The following MEIOB variants were observed in gnomAD, a reference collection of about 807,000 sequenced individuals.
MEIOB encodes meiosis specific with OB-fold.
MEIOB carries 50 observed loss-of-function variants against 53.1 expected under a neutral mutation model. That is an observed-to-expected ratio of 0.94 (90% confidence interval 0.75 to 1.19). MEIOB has a LOEUF of 1.19. MEIOB is among the 50% of genes most tolerant of loss of function. The pLI is 0.00. For missense variants in MEIOB, 551 were observed against 550.8 expected, an observed-to-expected ratio of 1.00 and a Z score of 0.00; for synonymous variants, 192 against 182.5, an observed-to-expected ratio of 1.05 and a Z score of -0.42.
chr16:1,868,292 C>T (rs1899645106), intron 1 of MEIOB, 108 bp from the exon 2 acceptor site: 1 of 575,202 alleles, frequency 1.7e-6, no homozygotes, highest in Non-Finnish European at 3.1e-6. Flanking sequence ...CATGGTGGCT[C>T]ATACCTGTAA....
Position 1,843,418 on chromosome 16 carries a change from G to C in MEIOB, c.880+1444C>G, listed in dbSNP as rs144885751. 1.1e-3 allele frequency: 165 copies of C among 152,234 alleles called. 1 individual carries two copies. Among genetic ancestry groups the C allele is most frequent in the African/African-American group, 3.9e-3 (160 of 41,530 alleles). 9.4% of individuals were successfully genotyped at this position (152,234 alleles called of 1,614,324 possible). On this transcript the variant is annotated intron_variant, in intron 10 of 13. Coordinates refer to ENST00000325962, the MANE Select transcript of MEIOB (RefSeq NM_001163560.3). Reference sequence around the variant, plus strand: ...GAAAATACAAATTAAACAAGAGTAGGCCGGATGTGGTGGCTCATGCCTGTA... The same window carrying C: ...GAAAATACAAATTAAACAAGAGTAGCCCGGATGTGGTGGCTCATGCCTGTA...
intron 2 of MEIOB, among the ~76,000 whole-genome samples, chr16:1,866,596 C>G (rs1899598757): frequency 6.6e-6 from 1 of 152,026 alleles, no homozygotes. Context: ...GTGGTGGGTG[C>G]CTGTAATCCC....
At chr16:1,868,293 A>C (rs1304510514) in intron 1 of MEIOB, 109 bp from the exon 2 acceptor site, 1 of 566,640 alleles carries the variant, frequency 1.8e-6, no homozygotes, top group Non-Finnish European at 3.2e-6. Context: ...ATGGTGGCTC[A>C]TACCTGTAAT....
At chr16:1,861,497 A>G (rs1190788705) in intron 4 of MEIOB, among the ~76,000 whole-genome samples, 2 of 148,312 alleles carry the variant, frequency 1.3e-5, no homozygotes, top group Non-Finnish European at 3.0e-5. Context: ...TCACATTTGT[A>G]TGCTTCAAAT....
At chr16:1,842,212 A>T (rs1043933867) in intron 10 of MEIOB, among the ~76,000 whole-genome samples, 1 of 152,172 alleles carries the variant, frequency 6.6e-6, no homozygotes, top group African/African-American at 2.4e-5. Flanking sequence ...AAAAGACACC[A>T]TTAAAAAGTG....
At chr16:1,838,949 C>T (rs1286661859) in intron 12 of MEIOB, among the ~76,000 whole-genome samples, 1 of 152,216 alleles carries the variant, frequency 6.6e-6, no homozygotes, top group Admixed American at 6.5e-5. Flanking sequence ...TCCTTGGCCT[C>T]CCAAAGTGCT....
At position 1,841,955 on chromosome 16, in the gene MEIOB, A is replaced by T; in HGVS notation, c.899T>A (p.Val300Asp). 1 of 1,595,238 alleles carries T rather than the reference A, an allele frequency of 6.3e-7. No homozygotes were observed. Among genetic ancestry groups the T allele is most frequent in the Non-Finnish European group, 8.5e-7 (1 of 1,171,934 alleles). ...TCCCTTTAATTGTTCAACTGTGTAG[A>T]CATCAACTATTGTACTTACTAAAAA... ...ESINLSTIVD[V>D]YTVEQLKGKA... Residue 300 changes from valine to aspartate, a missense_variant, in exon 11 of 14, where the codon GTC becomes GAC. Coordinates refer to ENST00000325962, the MANE Select transcript of MEIOB (RefSeq NM_001163560.3).
intron 11 of MEIOB, among the ~76,000 whole-genome samples, chr16:1,840,548 T>TTA (rs34582158): frequency 0.14 from 223 of 1,628 alleles, 1 homozygote; most frequent in Non-Finnish European, 0.28. Flanking sequence ...CTTATTATTA[T>TTA]TTTTTTTTTT....
intron 9 of MEIOB, among the ~76,000 whole-genome samples, chr16:1,850,308 G>T (rs919355421): frequency 6.6e-6 from 1 of 152,194 alleles, no homozygotes; most frequent in African/African-American, 2.4e-5. Flanking sequence ...GCCGGGCGTG[G>T]TGGCTCATGC....
chr16:1,868,580 G>C (rs963090447), intron 1 of MEIOB, among the ~76,000 whole-genome samples: 2 of 150,450 alleles, frequency 1.3e-5, no homozygotes, highest in Non-Finnish European at 2.9e-5. Flanking sequence ...TATTGGCCAG[G>C]TGCGGTGGCT....
chr16:1,859,974 C>G (rs555936768), intron 5 of MEIOB, among the ~76,000 whole-genome samples: 3 of 152,326 alleles, frequency 2.0e-5, no homozygotes, highest in South Asian at 2.1e-4. Context: ...GGTCTATCCT[C>G]GCAGGGTTCC....
chr16:1,859,975 G>T (rs866368834), intron 5 of MEIOB, among the ~76,000 whole-genome samples: 1 of 152,134 alleles, frequency 6.6e-6, no homozygotes. Context: ...GTCTATCCTC[G>T]CAGGGTTCCC....
chr16:1,863,938 T>C (rs559885065), intron 3 of MEIOB, among the ~76,000 whole-genome samples: 1 of 152,208 alleles, frequency 6.6e-6, no homozygotes, highest in South Asian at 2.1e-4. Context: ...GGGGGTAAGA[T>C]TGCTTCAGCC....
At chr16:1,837,678 G>A (rs1241712810) in intron 13 of MEIOB, 106 bp downstream of exon 13, 1 of 592,592 alleles carries the variant, frequency 1.7e-6, no homozygotes, top group African/African-American at 1.9e-5. Flanking sequence ...CTGGGAACTG[G>A]GCATTAGAAA....
chr16:1,844,723 T>C (rs1156915101), intron 10 of MEIOB, 139 bp downstream of exon 10: 1 of 529,092 alleles, frequency 1.9e-6, no homozygotes, highest in African/African-American at 2.0e-5. Flanking sequence ...AGATGCCCAC[T>C]ATTTTAAGCT....
chr16:1,854,564 G>A (rs1000037678), intron 6 of MEIOB, among the ~76,000 whole-genome samples: 2 of 152,192 alleles, frequency 1.3e-5, no homozygotes, highest in Non-Finnish European at 2.9e-5. Context: ...ATGGCTCAGC[G>A]TGGAACTCAT....
intron 6 of MEIOB, among the ~76,000 whole-genome samples, chr16:1,856,945 G>A (rs1362117924): frequency 8.6e-6 from 1 of 116,452 alleles, no homozygotes; most frequent in Non-Finnish European, 1.8e-5. Flanking sequence ...TGTATTTTTT[G>A]TAGAGATGGA....
At chr16:1,869,297 G>T (rs930203764) in intron 1 of MEIOB, among the ~76,000 whole-genome samples, 1 of 150,150 alleles carries the variant, frequency 6.7e-6, no homozygotes, top group South Asian at 2.1e-4. Context: ...GCCAATTTTT[G>T]TATTTTTAGT....
In MEIOB at chr16:1,853,274, G is replaced by GC; in HGVS notation, c.630-4dup. The GC allele has an allele frequency of 6.5e-7, 1 of 1,544,766 alleles. No individual in the cohort carries two copies. Among genetic ancestry groups the GC allele is most frequent in the Non-Finnish European group, 8.8e-7 (1 of 1,140,558 alleles). ...GTAGAATGGATTCATTATCCCAACTGCATTTGTTTAAAAAGAAGTAATACA... is the reference window on the plus strand; with the variant it reads ...GTAGAATGGATTCATTATCCCAACTGCCATTTGTTTAAAAAGAAGTAATACA... On this transcript the variant is annotated splice_region_variant and splice_polypyrimidine_tract_variant and intron_variant, in intron 7 of 13. Transcript: ENST00000325962.
Sources: gnomAD v4.1 joint callset for allele counts (sites outside exome capture counted in the v4.1 genomes callset) on GRCh38, gnomAD v4.1.1 for gene constraint, MANE v1.5 for transcripts, NCBI Gene and HGNC (gene_info 2026-07-23, HGNC 2026-07-21) for gene names.